The following FAM171A1 variants were observed in gnomAD, a reference collection of about 807,000 sequenced individuals.
The protein encoded by FAM171A1 is protein FAM171A1.
FAM171A1 carries 23 observed loss-of-function variants against 74.9 expected under a neutral mutation model. That is an observed-to-expected ratio of 0.31 (90% CI 0.22 to 0.44). The LOEUF is 0.44. Ranked by LOEUF, FAM171A1 falls within the 20% of genes least tolerant of loss-of-function variation. The pLI, the probability that FAM171A1 is intolerant of heterozygous loss-of-function variation, is 1.00. For missense variants in FAM171A1, 1,162 were observed against 1,159.2 expected (o/e 1.00, Z -0.03); for synonymous variants, 527 against 505.7 (o/e 1.04, Z -0.57).
At chr10:15,276,721 G>T (rs1046299928) in intron 2 of FAM171A1, among the ~76,000 whole-genome samples, 1 of 151,802 alleles carries the variant, frequency 6.6e-6, no homozygotes, top group Admixed American at 6.6e-5. Context: ...GTCTCACTCT[G>T]TCACTCAGGC....
At chr10:15,322,113 T>G (rs1388463683) in intron 1 of FAM171A1, among the ~76,000 whole-genome samples, 3 of 152,228 alleles carry the variant, frequency 2.0e-5, no homozygotes, top group Admixed American at 2.0e-4. Flanking sequence ...CATGGGTTAT[T>G]ATATCTTTTA....
rs140163568 is a variant in FAM171A1 at position 15,216,073 on chromosome 10, C to T, written c.909G>A (p.Thr303=). 6.8e-6 allele frequency: 11 copies of T among 1,609,680 alleles called. No individual in the cohort carries two copies. Among genetic ancestry groups the T allele is most frequent in the South Asian group, 2.2e-5 (2 of 89,672 alleles). Residue 303 remains threonine, a synonymous_variant, in exon 7 of 8, where the codon ACG becomes ACA. Coordinates refer to ENST00000378116, the MANE Select transcript of FAM171A1 (RefSeq NM_001010924.2). ...VVTQDITTYH[T]VFLLAILGGM... ...CTCCTAAAATGGCCAAAAGAAACACCGTGTGATACGTGGTAATGTCCTGTG... is the reference window on the plus strand; with the variant it reads ...CTCCTAAAATGGCCAAAAGAAACACTGTGTGATACGTGGTAATGTCCTGTG...
chr10:15,243,978 C>T (rs1311301731), intron 5 of FAM171A1, among the ~76,000 whole-genome samples: 1 of 152,144 alleles, frequency 6.6e-6, no homozygotes. Context: ...TCTTGATCTC[C>T]TAACCTCGTG....
chr10:15,269,377 C>T (rs1355877993), intron 3 of FAM171A1, among the ~76,000 whole-genome samples: 1 of 151,894 alleles, frequency 6.6e-6, no homozygotes, highest in Non-Finnish European at 1.5e-5. Flanking sequence ...CCTTGGCCTC[C>T]CAAAGTGCTG....
At chr10:15,257,691 C>T (rs983190295) in intron 3 of FAM171A1, among the ~76,000 whole-genome samples, 7 of 152,090 alleles carry the variant, frequency 4.6e-5, no homozygotes, top group Admixed American at 1.3e-4. Flanking sequence ...TGGCACGACA[C>T]GGGTACCATC....
chr10:15,286,338 T>C (rs998786189), intron 1 of FAM171A1, among the ~76,000 whole-genome samples: 2 of 152,174 alleles, frequency 1.3e-5, no homozygotes, highest in African/African-American at 4.8e-5. Context: ...TGGAGTGCAA[T>C]GGCATGATCT....
chr10:15,355,025 C>T (rs1009737687), intron 1 of FAM171A1, among the ~76,000 whole-genome samples: 5 of 152,190 alleles, frequency 3.3e-5, no homozygotes, highest in Admixed American at 3.3e-4. Flanking sequence ...ATTAATGACT[C>T]AAAAGAGTTA....
intron 1 of FAM171A1, among the ~76,000 whole-genome samples, chr10:15,360,913 C>G (rs1330809616): frequency 6.6e-6 from 1 of 152,162 alleles, no homozygotes; most frequent in Admixed American, 6.6e-5. Flanking sequence ...CCTAAAAGAT[C>G]TAAGTATTTT....
chr10:15,329,198 T>TA (rs1554755605), intron 1 of FAM171A1, among the ~76,000 whole-genome samples: 2 of 152,122 alleles, frequency 1.3e-5, no homozygotes, highest in Non-Finnish European at 2.9e-5. Flanking sequence ...TTAAAGGAGG[T>TA]ATACTAACTT....
At chr10:15,306,770 A>G (rs151039626) in intron 1 of FAM171A1, among the ~76,000 whole-genome samples, 1 of 152,364 alleles carries the variant, frequency 6.6e-6, no homozygotes, top group African/African-American at 2.4e-5. Context: ...TGAAAGCCAC[A>G]TCTTAAGTAC....
chr10:15,278,980 CA>C (rs57795575), intron 2 of FAM171A1, among the ~76,000 whole-genome samples: 2,240 of 152,248 alleles, frequency 0.015, 57 homozygotes, highest in African/African-American at 0.052. Context: ...CAGCACACCT[CA>C]AAACCCGGGC....
intron 3 of FAM171A1, among the ~76,000 whole-genome samples, chr10:15,256,572 T>C (rs556300402): frequency 6.6e-6 from 1 of 152,142 alleles, no homozygotes; most frequent in South Asian, 2.1e-4. Flanking sequence ...GACACAGACA[T>C]TAGTCTAGCT....
At chr10:15,235,905 G>A (rs753060276) in intron 5 of FAM171A1, among the ~76,000 whole-genome samples, 9 of 152,156 alleles carry the variant, frequency 5.9e-5, no homozygotes, top group East Asian at 1.9e-4. Context: ...ACCCATCCTC[G>A]GGGTCCTCAC....
intron 1 of FAM171A1, among the ~76,000 whole-genome samples, chr10:15,347,904 G>A (rs1588565426): frequency 6.6e-6 from 1 of 150,524 alleles, no homozygotes; most frequent in East Asian, 1.9e-4. Flanking sequence ...CATGATTTGC[G>A]TTCTACCCCA....
chr10:15,370,895 G>A (rs1236719427), intron 1 of FAM171A1, 61 bp downstream of exon 1: 31 of 842,920 alleles, frequency 3.7e-5, no homozygotes, highest in Admixed American at 6.2e-5. Flanking sequence ...CGCCGCCGCC[G>A]CCGCCTCCGC....
At position 15,364,220 on chromosome 10, in the gene FAM171A1, G is replaced by A. The variant is rs115240942; in HGVS notation, c.97+6736C>T. On this transcript the variant is annotated intron_variant, in intron 1 of 7. Coordinates refer to ENST00000378116, the MANE Select transcript of FAM171A1 (RefSeq NM_001010924.2). ...ACTTCTGAAAGTGGCTTTTGGCAGG[G>A]GTTTCAGAGGCTACATGTTCTCCCT... Among the ~76,000 whole-genome samples the A allele has an allele frequency of 4.3e-3, 661 of 152,266 alleles. 7 individuals carry two copies. Among genetic ancestry groups the A allele is most frequent in the African/African-American group, 0.015 (613 of 41,556 alleles).
intron 5 of FAM171A1, among the ~76,000 whole-genome samples, chr10:15,244,334 G>A (rs1834403492): frequency 2.0e-5 from 3 of 152,164 alleles, no homozygotes; most frequent in South Asian, 4.1e-4. Flanking sequence ...CAGCTTGGGC[G>A]ACAGAGTGAG....
chr10:15,309,802 T>C (rs1046526718), intron 1 of FAM171A1, among the ~76,000 whole-genome samples: 2 of 152,216 alleles, frequency 1.3e-5, no homozygotes, highest in Non-Finnish European at 2.9e-5. Flanking sequence ...GAAAAACAAA[T>C]GAATTAAAAT....
At chr10:15,294,928 T>G (rs1240363059) in intron 1 of FAM171A1, among the ~76,000 whole-genome samples, 1 of 152,022 alleles carries the variant, frequency 6.6e-6, no homozygotes, top group Non-Finnish European at 1.5e-5. Flanking sequence ...TTTGTTTTGT[T>G]TTTTGAGACA....
Sources: gnomAD v4.1 joint callset for allele counts (sites outside exome capture counted in the v4.1 genomes callset) on GRCh38, gnomAD v4.1.1 for gene constraint, MANE v1.5 for transcripts, NCBI Gene and HGNC (gene_info 2026-07-23, HGNC 2026-07-21) for gene names.